Variants in TTC27 observed in about 807,000 individuals in gnomAD.
TTC27 encodes the protein tetratricopeptide repeat protein 27.
A neutral mutation model predicts 115.9 loss-of-function variants in TTC27; 79 were observed. The ratio of observed to expected loss-of-function variants is 0.68; its 90% CI spans 0.57 to 0.82. The LOEUF is 0.82. Ranked by LOEUF, TTC27 falls within the 40% of genes least tolerant of loss-of-function variation. TTC27 has a pLI of 0.00. For synonymous variants in TTC27, 401 were observed against 356.0 expected, an observed-to-expected ratio of 1.13 and a Z score of -1.42; for missense variants, 1,054 against 993.1, an observed-to-expected ratio of 1.06 and a Z score of -0.82.
chr2:32,683,278 C>T (rs554250682), intron 9 of TTC27, among the ~76,000 whole-genome samples: 19 of 152,186 alleles, frequency 1.2e-4, no homozygotes, highest in South Asian at 8.3e-4. Flanking sequence ...GGTGAGCCAC[C>T]GCGCCCGGCC....
intron 10 of TTC27, among the ~76,000 whole-genome samples, chr2:32,723,698 C>T (rs4995507): frequency 0.4 from 26,923 of 67,172 alleles, 4,817 homozygotes; most frequent in South Asian, 0.5. Flanking sequence ...GCTCCTTCCT[C>T]CCTCCCTCCC....
At chr2:32,810,522 C>T (rs545812093) in intron 16 of TTC27, among the ~76,000 whole-genome samples, 7 of 152,126 alleles carry the variant, frequency 4.6e-5, no homozygotes, top group Non-Finnish European at 1.0e-4. Context: ...TGTGGATAGG[C>T]TCACCTAGAG....
At chr2:32,696,697 C>T (rs1189994096) in intron 9 of TTC27, among the ~76,000 whole-genome samples, 2 of 152,162 alleles carry the variant, frequency 1.3e-5, no homozygotes, top group Admixed American at 6.5e-5. Flanking sequence ...AAATATCTGA[C>T]TTCAATTCTT....
intron 10 of TTC27, among the ~76,000 whole-genome samples, chr2:32,722,419 T>C (rs1269095143): frequency 1.3e-5 from 2 of 152,234 alleles, no homozygotes; most frequent in Non-Finnish European, 2.9e-5. Context: ...GTTACTGCCA[T>C]TTAATTAACT....
At chr2:32,773,373 C>G (rs748166315) in intron 13 of TTC27, among the ~76,000 whole-genome samples, 10 of 152,196 alleles carry the variant, frequency 6.6e-5, no homozygotes, top group Non-Finnish European at 1.2e-4. Flanking sequence ...CTAGCCCAAT[C>G]AAGAGAGCGT....
At chr2:32,662,849 G>C (rs1665603505) in intron 5 of TTC27, among the ~76,000 whole-genome samples, 1 of 152,064 alleles carries the variant, frequency 6.6e-6, no homozygotes. Context: ...TGCTTCTCTA[G>C]TTCTTTCAAT....
In TTC27 at chr2:32,633,731, T is replaced by A. The variant is rs61281087; in HGVS notation, c.267-145T>A. On this transcript the variant is annotated intron_variant, in intron 2 of 19. Transcript: ENST00000317907. The stretch of plus-strand genomic sequence containing the variant: ...CCTAAATTGTTTTAAGTTTTAGAAA[T>A]TTTTTTTTTTGGTAATACTCTAGGA... 4,205 of 484,172 alleles carry A rather than the reference T, an allele frequency of 8.7e-3. 104 individuals carry two copies. The highest frequency in any genetic ancestry group is 0.072 in the African/African-American group (3,548 of 49,142). 30.0% of individuals were successfully genotyped at this position (484,172 alleles called of 1,614,324 possible). A position where few individuals can be genotyped will look rare whatever the true frequency, so the allele number is the denominator to read the frequency against.
chr2:32,639,779 G>C (rs1664570394), intron 3 of TTC27, among the ~76,000 whole-genome samples: 1 of 152,142 alleles, frequency 6.6e-6, no homozygotes, highest in South Asian at 2.1e-4. Flanking sequence ...CAAGGCAGGG[G>C]ATCACTTAAG....
In TTC27 at chr2:32,798,076, A is replaced by T. The variant is rs142720130; in HGVS notation, c.1998+10927A>T. ...TCAAATGAGATACCACCTTACACCC[A>T]CTAGGATGGCTACTAGAAAAAAAAT... On this transcript the variant is annotated intron_variant, in intron 16 of 19. Transcript: ENST00000317907. 7.3e-3 allele frequency among the ~76,000 whole-genome samples: 1,097 copies of T among 150,748 alleles called. 10 individuals carry two copies. Among genetic ancestry groups the T allele is most frequent in the Non-Finnish European group, 0.011 (734 of 67,860 alleles).
chr2:32,783,230 C>T (rs1414619147), intron 15 of TTC27, among the ~76,000 whole-genome samples: 1 of 152,064 alleles, frequency 6.6e-6, no homozygotes, highest in Non-Finnish European at 1.5e-5. Flanking sequence ...GCCAGCCACT[C>T]ATTTAGTCTT....
chr2:32,731,358 C>T (rs188132065), intron 10 of TTC27, among the ~76,000 whole-genome samples: 6 of 152,204 alleles, frequency 3.9e-5, no homozygotes, highest in East Asian at 1.9e-4. Context: ...GGATTACAGG[C>T]GTGAGCCACT....
At chr2:32,676,957 TA>T (rs1666232262) in intron 8 of TTC27, among the ~76,000 whole-genome samples, 1 of 151,788 alleles carries the variant, frequency 6.6e-6, no homozygotes, top group Non-Finnish European at 1.5e-5. Flanking sequence ...TAAGAATATT[TA>T]ATATTCCATT....
At chr2:32,674,661 A>ATT (rs532166973) in intron 8 of TTC27, among the ~76,000 whole-genome samples, 35 of 142,710 alleles carry the variant, frequency 2.5e-4, no homozygotes, top group Admixed American at 1.3e-3. Context: ...CAGTGACAGA[A>ATT]TTTTTTTTTT....
At chr2:32,644,180 CAAAAAAAAA>C (rs70938356) in intron 4 of TTC27, among the ~76,000 whole-genome samples, 1 of 75,408 alleles carries the variant, frequency 1.3e-5, no homozygotes, top group Non-Finnish European at 2.7e-5. Flanking sequence ...GACTCTGTTT[CAAAAAAAAA>C]AAAAAAAAAA....
At chr2:32,735,228 C>A (rs1444052029) in intron 11 of TTC27, among the ~76,000 whole-genome samples, 2 of 152,110 alleles carry the variant, frequency 1.3e-5, no homozygotes, top group Non-Finnish European at 2.9e-5. Flanking sequence ...AAAACATATG[C>A]AAGTAAAAAA....
chr2:32,781,310 G>T (rs1438059109), intron 14 of TTC27, among the ~76,000 whole-genome samples: 5 of 152,102 alleles, frequency 3.3e-5, no homozygotes, highest in Non-Finnish European at 7.4e-5. Flanking sequence ...TATAATAACT[G>T]CTTTGAAATC....
chr2:32,629,607 T>C (rs2063543741), intron 1 of TTC27, among the ~76,000 whole-genome samples: 1 of 151,350 alleles, frequency 6.6e-6, no homozygotes, highest in Non-Finnish European at 1.5e-5. Context: ...GCTAATTTTT[T>C]TTTTTGTATT....
chr2:32,712,916 C>T (rs1667631819), intron 10 of TTC27, among the ~76,000 whole-genome samples: 1 of 152,162 alleles, frequency 6.6e-6, no homozygotes, highest in Admixed American at 6.6e-5. Context: ...GGTTTATGTG[C>T]ATCTCCCAAA....
At chr2:32,707,140 A>G (rs1667401428) in intron 10 of TTC27, among the ~76,000 whole-genome samples, 1 of 152,196 alleles carries the variant, frequency 6.6e-6, no homozygotes, top group East Asian at 1.9e-4. Context: ...GTTCTGAGCC[A>G]TTCATTGTTT....
Sources: allele counts gnomAD v4.1 joint callset (sites outside exome capture counted in the v4.1 genomes callset), GRCh38; gene constraint gnomAD v4.1.1; transcripts MANE v1.5; gene names NCBI Gene and HGNC (gene_info 2026-07-23, HGNC 2026-07-21).